FGGY: variants seen among roughly 807,000 people sequenced by gnomAD.
FGGY encodes the protein FGGY carbohydrate kinase domain-containing protein.
In FGGY, 72 loss-of-function variants were observed where a neutral mutation model predicts 71.3. The observed-to-expected ratio is 1.01, with a 90% CI of 0.84 to 1.23. FGGY has a LOEUF of 1.23. Among genes scored for constraint, FGGY ranks in the 50% most tolerant of loss-of-function variants. FGGY has a pLI of 0.00. For missense variants in FGGY, 668 were observed against 682.3 expected, an observed-to-expected ratio of 0.98 and a Z score of 0.23; for synonymous variants, 251 against 250.3, an observed-to-expected ratio of 1.00 and a Z score of -0.02.
intron 5 of FGGY, among the ~76,000 whole-genome samples, chr1:59,404,974 G>A (rs1435377853): frequency 6.6e-6 from 1 of 152,194 alleles, no homozygotes; most frequent in East Asian, 1.9e-4. Context: ...ACGTGATGAT[G>A]AGCATATTTA....
chr1:59,713,330 T>G (rs1373241372), intron 14 of FGGY, among the ~76,000 whole-genome samples: 1 of 152,340 alleles, frequency 6.6e-6, no homozygotes, highest in Non-Finnish European at 1.5e-5. Flanking sequence ...CAAACCGTTC[T>G]ACCCTCTGCC....
intron 14 of FGGY, among the ~76,000 whole-genome samples, chr1:59,715,391 GC>G (rs1445739908): frequency 2.0e-5 from 3 of 152,162 alleles, no homozygotes; most frequent in Non-Finnish European, 4.4e-5. Context: ...AAAGTTGTGT[GC>G]TTTCCAGCAA....
chr1:59,311,477 G>A (rs2044316058), intron 1 of FGGY, among the ~76,000 whole-genome samples: 1 of 151,954 alleles, frequency 6.6e-6, no homozygotes, highest in South Asian at 2.1e-4. Context: ...CCACTTATGA[G>A]TGAGAACATG....
chr1:59,664,594 C>T (rs527256040), intron 12 of FGGY, among the ~76,000 whole-genome samples: 1 of 152,350 alleles, frequency 6.6e-6, no homozygotes, highest in East Asian at 1.9e-4. Context: ...AGCAATTCTC[C>T]CATTCCATAC....
chr1:59,522,878 T>G (rs1312698447), intron 7 of FGGY, among the ~76,000 whole-genome samples: 1 of 152,198 alleles, frequency 6.6e-6, no homozygotes, highest in Non-Finnish European at 1.5e-5. Flanking sequence ...AAGTAGTACC[T>G]AGTAAATGGA....
At chr1:59,386,748 T>A (rs1333559205) in intron 5 of FGGY, among the ~76,000 whole-genome samples, 2 of 152,214 alleles carry the variant, frequency 1.3e-5, no homozygotes, top group Admixed American at 1.3e-4. Context: ...AGGCTTCTTA[T>A]GTACAAACAA....
intron 11 of FGGY, among the ~76,000 whole-genome samples, chr1:59,651,957 A>G (rs1172739554): frequency 6.6e-6 from 1 of 151,456 alleles, no homozygotes; most frequent in Non-Finnish European, 1.5e-5. Context: ...GGTGGTGACA[A>G]AATCTCTCAG....
intron 14 of FGGY, among the ~76,000 whole-genome samples, chr1:59,701,616 G>A (rs1190542455): frequency 5.3e-5 from 8 of 152,162 alleles, no homozygotes. Flanking sequence ...CAGCTTTGGG[G>A]AGGCAGAGAA....
chr1:59,341,717 G>A (rs2050740976), intron 3 of FGGY, among the ~76,000 whole-genome samples: 1 of 152,182 alleles, frequency 6.6e-6, no homozygotes, highest in Non-Finnish European at 1.5e-5. Context: ...CCAAACCTGG[G>A]TAGAGCAAAC....
intron 14 of FGGY, among the ~76,000 whole-genome samples, chr1:59,725,814 T>C (rs1198909171): frequency 1.3e-5 from 2 of 152,180 alleles, no homozygotes; most frequent in Non-Finnish European, 2.9e-5. Context: ...GGTTGGTTGA[T>C]TTGTTCATTC....
At chr1:59,596,282 A>ATT (rs60670399) in intron 8 of FGGY, among the ~76,000 whole-genome samples, 6 of 149,036 alleles carry the variant, frequency 4.0e-5, no homozygotes, top group South Asian at 4.2e-4. Flanking sequence ...AAAATGTGTG[A>ATT]TTTTTTTTTT....
chr1:59,332,547 G>A (rs835381), intron 2 of FGGY, among the ~76,000 whole-genome samples: 62,236 of 151,830 alleles, frequency 0.41, 13,295 homozygotes, highest in African/African-American at 0.52. Context: ...GCATTTCCTT[G>A]TAAGGCTGGG....
intron 6 of FGGY, among the ~76,000 whole-genome samples, chr1:59,478,064 C>G (rs1050406127): frequency 6.6e-6 from 1 of 152,116 alleles, no homozygotes; most frequent in African/African-American, 2.4e-5. Flanking sequence ...AAACAAGTTA[C>G]CTAACCTCCG....
intron 2 of FGGY, among the ~76,000 whole-genome samples, chr1:59,338,782 C>G (rs969556833): frequency 3.3e-5 from 5 of 151,934 alleles, no homozygotes; most frequent in African/African-American, 1.2e-4. Context: ...TGAAGCTAAC[C>G]TTCTTCTATA....
intron 4 of FGGY, among the ~76,000 whole-genome samples, chr1:59,372,235 C>T (rs886598792): frequency 3.3e-5 from 5 of 152,176 alleles, no homozygotes; most frequent in East Asian, 1.9e-4. Flanking sequence ...ATATCACCAC[C>T]GATCCCACAG....
chr1:59,306,986 C>T (rs2153086828), intron 1 of FGGY, among the ~76,000 whole-genome samples: 1 of 151,974 alleles, frequency 6.6e-6, no homozygotes, highest in Non-Finnish European at 1.5e-5. Context: ...CTGGATATTG[C>T]AAGATGAAAA....
chr1:59,651,869 A>G (rs1263603616), intron 11 of FGGY, among the ~76,000 whole-genome samples: 1 of 151,840 alleles, frequency 6.6e-6, no homozygotes, highest in Non-Finnish European at 1.5e-5. Context: ...ACATTTTGAC[A>G]TGATTTTGCA....
At chr1:59,343,083 A>G (rs1427962883) in intron 3 of FGGY, among the ~76,000 whole-genome samples, 2 of 152,092 alleles carry the variant, frequency 1.3e-5, no homozygotes, top group South Asian at 2.1e-4. Flanking sequence ...ACAAAGGGTG[A>G]TAATTGGGGC....
chr1:59,684,439 G>A (rs2097529184), intron 14 of FGGY, among the ~76,000 whole-genome samples: 1 of 152,152 alleles, frequency 6.6e-6, no homozygotes, highest in South Asian at 2.1e-4. Flanking sequence ...GCTGGTGACG[G>A]AGCTAGAACT....
Sources: allele counts gnomAD v4.1 joint callset (sites outside exome capture counted in the v4.1 genomes callset), GRCh38; gene constraint gnomAD v4.1.1; transcripts MANE v1.5; gene names NCBI Gene and HGNC (gene_info 2026-07-23, HGNC 2026-07-21).